The following KIF6 variants were observed in gnomAD, a reference collection of about 807,000 sequenced individuals.
KIF6 encodes the protein kinesin family member 6.
In KIF6, 106 loss-of-function variants were observed where a neutral mutation model predicts 112.7. The ratio of observed to expected loss-of-function variants is 0.94; its 90% CI spans 0.80 to 1.11. KIF6 has a LOEUF of 1.11. Among genes scored for constraint, KIF6 ranks in the 50% least tolerant of loss-of-function variants. KIF6 has a pLI of 0.00. For missense variants in KIF6, 929 were observed against 964.0 expected (o/e 0.96, Z 0.48); for synonymous variants, 339 against 339.9 (o/e 1.00, Z 0.03).
chr6:39,664,644 C>CAT (rs1786354798), intron 3 of KIF6, among the ~76,000 whole-genome samples: 1 of 152,068 alleles, frequency 6.6e-6, no homozygotes. Flanking sequence ...ATAGCTAAGA[C>CAT]ATATATATTT....
intron 13 of KIF6, among the ~76,000 whole-genome samples, chr6:39,538,218 G>T (rs1487628326): frequency 5.9e-5 from 9 of 151,592 alleles, no homozygotes; most frequent in East Asian, 2.0e-4. Flanking sequence ...TGACAAATGG[G>T]ATCTAATTAA....
intron 3 of KIF6, among the ~76,000 whole-genome samples, chr6:39,658,648 G>T (rs550708266): frequency 6.6e-6 from 1 of 152,112 alleles, no homozygotes; most frequent in Non-Finnish European, 1.5e-5. Context: ...AAGAAAAAAA[G>T]CTTACTTTGT....
At chr6:39,549,136 C>T (rs1779224499) in intron 10 of KIF6, among the ~76,000 whole-genome samples, 1 of 152,064 alleles carries the variant, frequency 6.6e-6, no homozygotes, top group Non-Finnish European at 1.5e-5. Flanking sequence ...TGATATATGG[C>T]CACATAATTA....
chr6:39,571,207 C>T (rs1043937987), intron 10 of KIF6, among the ~76,000 whole-genome samples: 1 of 151,958 alleles, frequency 6.6e-6, no homozygotes, highest in East Asian at 1.9e-4. Flanking sequence ...TATGTGAAAC[C>T]ATCACTTCTA....
intron 16 of KIF6, among the ~76,000 whole-genome samples, chr6:39,363,839 C>T (rs535524436): frequency 7.2e-5 from 11 of 152,278 alleles, no homozygotes; most frequent in African/African-American, 2.4e-4. Context: ...AAAAATCCCT[C>T]GTATAACATT....
chr6:39,713,013 G>A (rs1477229046), intron 3 of KIF6, among the ~76,000 whole-genome samples: 2 of 152,196 alleles, frequency 1.3e-5, no homozygotes, highest in African/African-American at 4.8e-5. Context: ...AATAGGGAAG[G>A]GTAACGGAGG....
intron 5 of KIF6, among the ~76,000 whole-genome samples, chr6:39,613,539 C>T (rs1783339133): frequency 1.3e-5 from 2 of 152,134 alleles, no homozygotes; most frequent in African/African-American, 4.8e-5. Context: ...TTACAAGCTC[C>T]TGATTTAAAG....
At chr6:39,383,718 T>C (rs1257395528) in intron 16 of KIF6, among the ~76,000 whole-genome samples, 1 of 152,246 alleles carries the variant, frequency 6.6e-6, no homozygotes, top group Non-Finnish European at 1.5e-5. Context: ...GGTAATTTGA[T>C]AGAAATAGCA....
intron 5 of KIF6, among the ~76,000 whole-genome samples, chr6:39,628,841 G>A (rs573492918): frequency 1.1e-4 from 16 of 151,034 alleles, no homozygotes; most frequent in Admixed American, 4.6e-4. Flanking sequence ...TCTTCTACCC[G>A]TCCCCCTCAA....
At chr6:39,519,793 G>A (rs1353655964) in intron 13 of KIF6, among the ~76,000 whole-genome samples, 1 of 152,008 alleles carries the variant, frequency 6.6e-6, no homozygotes, top group Non-Finnish European at 1.5e-5. Flanking sequence ...AGGCCAAGGC[G>A]GGTGGATCAC....
chr6:39,698,824 TTTAA>T (rs1346390328), intron 3 of KIF6, among the ~76,000 whole-genome samples: 2 of 152,226 alleles, frequency 1.3e-5, no homozygotes, highest in African/African-American at 4.8e-5. Context: ...AACAACACTA[TTTAA>T]TTAGCACACA....
rs1361463885 is a variant in KIF6, at chr6:39,604,995, C to A, written c.639+8194G>T. Among the ~76,000 whole-genome samples, 3 of 152,106 alleles carry A rather than the reference C, an allele frequency of 2.0e-5. No individual in the cohort carries two copies. The East Asian group carries it at 5.8e-4, about 29-fold the overall frequency. On this transcript the variant is annotated intron_variant, in intron 6 of 22. Transcript: ENST00000287152. ...AAATTAAAGTCAAACACATTTATATCAAAATCTAAGTCGGCTAAATTGTGG... is the reference window on the plus strand; with the variant it reads ...AAATTAAAGTCAAACACATTTATATAAAAATCTAAGTCGGCTAAATTGTGG...
Position 39,508,393 on chromosome 6 carries a change from G to A in KIF6, c.1645+31610C>T, listed in dbSNP as rs138301117. ...GGGTGCAGCCCATGGAGGGTGAGCC[G>A]AAGCAGGGCAGGGCGTCGCCTCACC... On this transcript the variant is annotated intron_variant, in intron 13 of 22. Coordinates refer to ENST00000287152, the MANE Select transcript of KIF6 (RefSeq NM_145027.6). Among the ~76,000 whole-genome samples the A allele has an allele frequency of 9.9e-3, 1,500 of 152,258 alleles. 15 individuals carry two copies. The highest frequency in any genetic ancestry group is 0.054 in the Middle Eastern group (16 of 294).
intron 3 of KIF6, among the ~76,000 whole-genome samples, chr6:39,658,299 C>T (rs910308513): frequency 4.6e-5 from 7 of 152,090 alleles, no homozygotes; most frequent in African/African-American, 1.7e-4. Context: ...GGAACTGAGC[C>T]TATTTCATTA....
intron 9 of KIF6, among the ~76,000 whole-genome samples, chr6:39,579,904 T>C (rs1329555536): frequency 2.0e-5 from 3 of 151,954 alleles, no homozygotes; most frequent in African/African-American, 7.2e-5. Context: ...CTAATTTAAC[T>C]ACTAAATCTT....
intron 13 of KIF6, among the ~76,000 whole-genome samples, chr6:39,523,231 T>C (rs1169905525): frequency 6.6e-6 from 1 of 152,106 alleles, no homozygotes; most frequent in Non-Finnish European, 1.5e-5. Context: ...GTCCCTACCG[T>C]GGCTGGCTTG....
intron 13 of KIF6, among the ~76,000 whole-genome samples, chr6:39,434,933 T>C (rs1771421751): frequency 2.0e-5 from 3 of 152,228 alleles, no homozygotes; most frequent in Admixed American, 6.5e-5. Context: ...AATGAATTTC[T>C]TATATACTCT....
intron 19 of KIF6, among the ~76,000 whole-genome samples, chr6:39,356,268 C>A (rs2150248582): frequency 6.6e-6 from 1 of 151,754 alleles, no homozygotes; most frequent in South Asian, 2.1e-4. Flanking sequence ...CTGTCTGACA[C>A]CTTCTTCTTT....
intron 3 of KIF6, among the ~76,000 whole-genome samples, chr6:39,703,212 C>A (rs1392248188): frequency 1.3e-5 from 2 of 151,330 alleles, no homozygotes; most frequent in Admixed American, 6.6e-5. Context: ...ACAAAGCCCA[C>A]TGATTCAGTG....
Sources: gnomAD v4.1 joint callset for allele counts (sites outside exome capture counted in the v4.1 genomes callset) on GRCh38, gnomAD v4.1.1 for gene constraint, MANE v1.5 for transcripts, NCBI Gene and HGNC (gene_info 2026-07-23, HGNC 2026-07-21) for gene names.